TFAP2D: variants seen among roughly 807,000 people sequenced by gnomAD.
The protein encoded by TFAP2D is transcription factor AP-2-delta.
In TFAP2D, 9 loss-of-function variants were observed where a neutral mutation model predicts 43.6. The observed-to-expected ratio is 0.21, with a 90% CI of 0.12 to 0.36. TFAP2D has a LOEUF of 0.36. Ranked by LOEUF, TFAP2D falls within the 10% of genes least tolerant of loss-of-function variation. The pLI is 1.00. For missense variants in TFAP2D, 513 were observed against 561.4 expected, an observed-to-expected ratio of 0.91 and a Z score of 0.87; for synonymous variants, 256 against 224.9, an observed-to-expected ratio of 1.14 and a Z score of -1.24.
chr6:50,757,617 CTA>C (rs1242626517), intron 7 of TFAP2D, among the ~76,000 whole-genome samples: 1 of 47,664 alleles, frequency 2.1e-5, no homozygotes, highest in African/African-American at 8.1e-5. Flanking sequence ...TATAATTATT[CTA>C]TATATATAGA....
intron 7 of TFAP2D, among the ~76,000 whole-genome samples, chr6:50,770,962 G>A (rs924869370): frequency 6.6e-6 from 1 of 152,040 alleles, no homozygotes; most frequent in African/African-American, 2.4e-5. Context: ...ATGAGACGTA[G>A]GAAGCAAACT....
At chr6:50,717,347 T>A (rs1001018150) in intron 2 of TFAP2D, among the ~76,000 whole-genome samples, 1 of 152,234 alleles carries the variant, frequency 6.6e-6, no homozygotes, top group African/African-American at 2.4e-5. Flanking sequence ...GTTTTACTTA[T>A]GAGGGGAAAA....
intron 7 of TFAP2D, among the ~76,000 whole-genome samples, chr6:50,769,679 G>A (rs1458600245): frequency 3.3e-5 from 5 of 152,216 alleles, no homozygotes; most frequent in African/African-American, 7.2e-5. Flanking sequence ...AGTTAAGTCA[G>A]AGGAACTGAG....
intron 3 of TFAP2D, among the ~76,000 whole-genome samples, chr6:50,727,073 C>G (rs560197323): frequency 6.6e-6 from 1 of 152,278 alleles, no homozygotes; most frequent in South Asian, 2.1e-4. Flanking sequence ...TGCACAGGAC[C>G]TAACTTCTAG....
chr6:50,717,653 A>G (rs991070399), intron 2 of TFAP2D, among the ~76,000 whole-genome samples: 8 of 152,242 alleles, frequency 5.3e-5, no homozygotes, highest in African/African-American at 1.4e-4. Context: ...ATACCTTTAC[A>G]TAGATATATC....
intron 7 of TFAP2D, among the ~76,000 whole-genome samples, chr6:50,756,310 T>C (rs1769264594): frequency 6.6e-6 from 1 of 152,068 alleles, no homozygotes; most frequent in Admixed American, 6.6e-5. Context: ...TTTTCCACCA[T>C]TTTTACTGAA....
intron 6 of TFAP2D, among the ~76,000 whole-genome samples, 186 bp from the exon 7 acceptor site, chr6:50,751,025 C>G (rs529045063): frequency 6.6e-6 from 1 of 151,834 alleles, no homozygotes; most frequent in African/African-American, 2.4e-5. Flanking sequence ...ATCCTATAGC[C>G]GTTGAGAGCA....
chr6:50,762,761 T>C (rs1345136827), intron 7 of TFAP2D, among the ~76,000 whole-genome samples: 1 of 152,120 alleles, frequency 6.6e-6, no homozygotes, highest in Admixed American at 6.6e-5. Context: ...GTGATGGTAT[T>C]GTTCACAGTC....
chr6:50,731,245 A>G (rs1369488921), intron 5 of TFAP2D, among the ~76,000 whole-genome samples: 4 of 152,058 alleles, frequency 2.6e-5, no homozygotes, highest in Non-Finnish European at 5.9e-5. Flanking sequence ...TTGGCTAATG[A>G]AACAAGATTT....
chr6:50,742,539 G>C (rs1769060542), intron 5 of TFAP2D, among the ~76,000 whole-genome samples: 2 of 151,728 alleles, frequency 1.3e-5, no homozygotes, highest in Non-Finnish European at 2.9e-5. Context: ...TGGATGGATG[G>C]ATGGATGGGT....
At chr6:50,756,547 T>C (rs952482361) in intron 7 of TFAP2D, among the ~76,000 whole-genome samples, 4 of 152,050 alleles carry the variant, frequency 2.6e-5, no homozygotes, top group Admixed American at 6.6e-5. Flanking sequence ...CTACTTCTAG[T>C]TTTCCATGGC....
intron 7 of TFAP2D, among the ~76,000 whole-genome samples, chr6:50,765,319 A>G (rs1281243883): frequency 6.6e-6 from 1 of 152,198 alleles, no homozygotes; most frequent in African/African-American, 2.4e-5. Flanking sequence ...TAATGCTGCA[A>G]TGAACATGGA....
chr6:50,723,271 C>T (rs1381678501), intron 3 of TFAP2D, among the ~76,000 whole-genome samples: 2 of 152,234 alleles, frequency 1.3e-5, no homozygotes, highest in East Asian at 1.9e-4. Flanking sequence ...TCGCTTTTCC[C>T]TTTAGCCGGC....
chr6:50,766,654 C>T (rs186129489), intron 7 of TFAP2D, among the ~76,000 whole-genome samples: 14 of 57,376 alleles, frequency 2.4e-4, no homozygotes, highest in Admixed American at 6.1e-4. Flanking sequence ...AGATTGCTTT[C>T]TTTTTTTTTT....
intron 7 of TFAP2D, 109 bp from the exon 8 acceptor site, chr6:50,772,536 C>T (rs940657064): frequency 1.1e-6 from 1 of 935,858 alleles, no homozygotes; most frequent in Non-Finnish European, 1.6e-6. Context: ...TTTAGGAACA[C>T]AATGAATACC....
intron 7 of TFAP2D, among the ~76,000 whole-genome samples, chr6:50,759,853 TGAG>T (rs762127030): frequency 1.3e-5 from 2 of 151,972 alleles, no homozygotes; most frequent in Non-Finnish European, 2.9e-5. Context: ...AGTAAGTGGC[TGAG>T]GAGAACAGAA....
rs1491293287 is a variant in TFAP2D at position 50,719,483 on chromosome 6, AAG to A, written c.598+335_598+336del. Among the ~76,000 whole-genome samples the A allele has an allele frequency of 2.9e-5, 4 of 137,976 alleles. No homozygotes were observed. In the East Asian group the frequency reaches 1.0e-3, roughly 35 times the overall value. The allele number at this position is 137,976 out of a possible 152,430, so 90.5% of individuals were successfully genotyped here. A position where few individuals can be genotyped will look rare whatever the true frequency, so the allele number is the denominator to read the frequency against. On this transcript the variant is annotated intron_variant, in intron 3 of 7. Transcript: ENST00000008391. ...AAAGAAAGAAAGAAAGAAAGAAAGA[AAG>A]AAAGAAAGAAAGAAAGAAGTTTCTC...
At chr6:50,770,849 A>G (rs1039401357) in intron 7 of TFAP2D, among the ~76,000 whole-genome samples, 1 of 152,178 alleles carries the variant, frequency 6.6e-6, no homozygotes, top group African/African-American at 2.4e-5. Context: ...TTTAGCAGTT[A>G]ATGGCTTTAT....
intron 5 of TFAP2D, among the ~76,000 whole-genome samples, chr6:50,736,658 G>A (rs1768967382): frequency 6.6e-6 from 1 of 152,024 alleles, no homozygotes; most frequent in South Asian, 2.1e-4. Flanking sequence ...TGTGTGGTGG[G>A]GATGGTATTT....
Sources: gnomAD v4.1 joint callset for allele counts (sites outside exome capture counted in the v4.1 genomes callset) on GRCh38, gnomAD v4.1.1 for gene constraint, MANE v1.5 for transcripts, NCBI Gene and HGNC (gene_info 2026-07-23, HGNC 2026-07-21) for gene names.